Variants in PCLO observed in about 807,000 individuals in gnomAD.
PCLO encodes piccolo presynaptic cytomatrix protein, also known as protein piccolo.
PCLO carries 82 observed loss-of-function variants against 427.5 expected under a neutral mutation model. That is an observed-to-expected ratio of 0.19 (90% CI 0.16 to 0.23). The LOEUF is 0.23. PCLO is among the 10% of genes least tolerant of loss of function. PCLO has a pLI of 1.00. For missense variants in PCLO, 6,239 were observed against 6,115.9 expected (o/e 1.02, Z -0.67); for synonymous variants, 2,357 against 2,155.4 (o/e 1.09, Z -2.59).
At chr7:82,845,207 T>TA in intron 13 of PCLO, 64 bp downstream of exon 13, 1 of 1,043,256 alleles carries the variant, frequency 9.6e-7, no homozygotes, top group Non-Finnish European at 1.5e-6. Context: ...TTTTATTTTC[T>TA]GTCTCTATGC....
At chr7:82,922,822 T>C (rs1794629003) in intron 6 of PCLO, among the ~76,000 whole-genome samples, 1 of 152,044 alleles carries the variant, frequency 6.6e-6, no homozygotes, top group Non-Finnish European at 1.5e-5. Context: ...TTCTAAACCA[T>C]TCTGAAACCA....
intron 3 of PCLO, among the ~76,000 whole-genome samples, chr7:82,985,869 G>A (rs535783450): frequency 6.6e-6 from 1 of 151,858 alleles, no homozygotes; most frequent in Non-Finnish European, 1.5e-5. Flanking sequence ...AGATAATACT[G>A]TTGTCTAGTC....
intron 22 of PCLO, among the ~76,000 whole-genome samples, chr7:82,798,772 G>A (rs2129468595): frequency 6.6e-6 from 1 of 152,256 alleles, no homozygotes; most frequent in African/African-American, 2.4e-5. Flanking sequence ...ATTGTCAAAT[G>A]TTAATAGCAA....
chr7:83,059,215 T>C (rs1191269953), intron 3 of PCLO, among the ~76,000 whole-genome samples: 1 of 149,544 alleles, frequency 6.7e-6, no homozygotes, highest in Non-Finnish European at 1.5e-5. Context: ...TTCTTAGCAC[T>C]TGTGGAACAT....
chr7:82,991,230 ATC>A (rs1157509385), intron 3 of PCLO, among the ~76,000 whole-genome samples: 1 of 151,918 alleles, frequency 6.6e-6, no homozygotes, highest in Non-Finnish European at 1.5e-5. Flanking sequence ...CTATCTATCT[ATC>A]TGTGTTGTTA....
chr7:83,063,621 G>C (rs1583975061), intron 3 of PCLO, among the ~76,000 whole-genome samples: 1 of 152,138 alleles, frequency 6.6e-6, no homozygotes, highest in Non-Finnish European at 1.5e-5. Flanking sequence ...TAGCAGTTTA[G>C]GTGTATTAAA....
intron 3 of PCLO, among the ~76,000 whole-genome samples, chr7:82,995,240 G>A (rs983434623): frequency 6.6e-6 from 1 of 152,014 alleles, no homozygotes; most frequent in Non-Finnish European, 1.5e-5. Context: ...CTAGGTTGAA[G>A]ATAATGGTCC....
intron 22 of PCLO, among the ~76,000 whole-genome samples, chr7:82,770,265 G>T (rs1382526075): frequency 2.0e-5 from 3 of 151,726 alleles, no homozygotes; most frequent in African/African-American, 7.3e-5. Context: ...TTAAAAATTA[G>T]ATTTTCAATT....
At chr7:82,911,986 A>C (rs548025419) in intron 7 of PCLO, among the ~76,000 whole-genome samples, 8 of 152,302 alleles carry the variant, frequency 5.3e-5, no homozygotes, top group Non-Finnish European at 1.2e-4. Flanking sequence ...ATATCTATAT[A>C]GACTTTTCCT....
intron 3 of PCLO, among the ~76,000 whole-genome samples, chr7:83,116,772 T>G (rs187169623): frequency 2.0e-5 from 3 of 152,292 alleles, no homozygotes; most frequent in Admixed American, 2.0e-4. Flanking sequence ...TTAACTAACA[T>G]CTCCTCAACT....
At position 82,784,170 on chromosome 7, in the gene PCLO, C is replaced by G. The variant is rs1369900175; in HGVS notation, c.15007+17348G>C. On this transcript the variant is annotated intron_variant, in intron 22 of 24. Transcript: ENST00000333891. ...AAACTTGAGCCAGACTGTTTCATTC[C>G]TCACCTCAAAACCCTCCAATACTGT... is the stretch of plus-strand genomic sequence containing the variant. 2.6e-5 allele frequency among the ~76,000 whole-genome samples: 4 copies of G among 152,190 alleles called. No homozygotes were observed. In the South Asian group the frequency reaches 8.3e-4, roughly 32 times the overall value.
chr7:82,766,357 C>T (rs1217751859), intron 22 of PCLO, among the ~76,000 whole-genome samples: 5 of 152,072 alleles, frequency 3.3e-5, no homozygotes, highest in African/African-American at 9.6e-5. Flanking sequence ...GTTGAGTGAA[C>T]ACTGACAGAA....
Position 83,070,703 on chromosome 7 carries a change from C to A in PCLO, c.3300+63547G>T, listed in dbSNP as rs139927129. 7.8e-4 allele frequency among the ~76,000 whole-genome samples: 118 copies of A among 152,188 alleles called. 1 individual carries two copies. The highest frequency in any genetic ancestry group is 2.8e-3 in the African/African-American group (115 of 41,530). ...CACCCAGCATTTTGTGGTATTTTTA[C>A]ACAGTAATTTGTTACACAGAAATGG... On this transcript the variant is annotated intron_variant, in intron 3 of 24. Coordinates refer to ENST00000333891, the MANE Select transcript of PCLO (RefSeq NM_033026.6).
chr7:83,133,281 T>C (rs989053163), intron 3 of PCLO, among the ~76,000 whole-genome samples: 1 of 151,956 alleles, frequency 6.6e-6, no homozygotes. Flanking sequence ...ATCAAGGACA[T>C]TGGAGTGAAA....
intron 4 of PCLO, among the ~76,000 whole-genome samples, chr7:82,957,240 A>T (rs1795548453): frequency 1.3e-5 from 2 of 152,124 alleles, no homozygotes; most frequent in Non-Finnish European, 2.9e-5. Flanking sequence ...ACTTTTCTCA[A>T]TAAATTTGCT....
chr7:83,059,396 G>A (rs1270579710), intron 3 of PCLO, among the ~76,000 whole-genome samples: 1 of 119,652 alleles, frequency 8.4e-6, no homozygotes, highest in Non-Finnish European at 1.9e-5. Flanking sequence ...GAAAAATAAG[G>A]TGAGATCAAC....
intron 3 of PCLO, among the ~76,000 whole-genome samples, chr7:83,059,197 G>GTTAAATT (rs1789476213): frequency 6.7e-6 from 1 of 149,530 alleles, no homozygotes; most frequent in South Asian, 2.1e-4. Flanking sequence ...AATCCTCTAA[G>GTTAAATT]TTAAATTTTC....
intron 3 of PCLO, among the ~76,000 whole-genome samples, chr7:83,014,067 C>A (rs567055893): frequency 6.6e-6 from 1 of 152,210 alleles, no homozygotes; most frequent in Non-Finnish European, 1.5e-5. Context: ...ATTGAACATC[C>A]ATTCTGGCTA....
chr7:83,051,532 A>G, intron 3 of PCLO, among the ~76,000 whole-genome samples: 1 of 152,186 alleles, frequency 6.6e-6, no homozygotes, highest in East Asian at 1.9e-4. Context: ...AAAACTATAC[A>G]GCTCTAATTA....
Sources: allele counts gnomAD v4.1 joint callset (sites outside exome capture counted in the v4.1 genomes callset), GRCh38; gene constraint gnomAD v4.1.1; transcripts MANE v1.5; gene names NCBI Gene and HGNC (gene_info 2026-07-23, HGNC 2026-07-21).